The following OASL variants were observed in gnomAD, a reference collection of about 807,000 sequenced individuals.
The protein encoded by OASL is 2'-5'-oligoadenylate synthase-like protein.
A neutral mutation model predicts 35.3 loss-of-function variants in OASL; 28 were observed. The ratio of observed to expected loss-of-function variants is 0.79; its 90% confidence interval spans 0.59 to 1.09. The LOEUF is 1.09. OASL is among the 50% of genes least tolerant of loss of function. The pLI is 0.00. For missense variants in OASL, 620 were observed against 635.2 expected (o/e 0.98, Z 0.26); for synonymous variants, 252 against 254.6 (o/e 0.99, Z 0.10).
At chr12:121,024,010 T>G in exon 5 of OASL, 2 of 1,614,146 alleles carry the variant, frequency 1.2e-6, no homozygotes, top group South Asian at 2.2e-5. Flanking sequence ...CAGCTGGAGA[T>G]GGGGTTCTCC....
intron 3 of OASL, among the ~76,000 whole-genome samples, chr12:121,028,590 C>T (rs1869587999): frequency 6.6e-6 from 1 of 152,206 alleles, no homozygotes; most frequent in African/African-American, 2.4e-5. Context: ...GAAACAGAGC[C>T]AGTGCCCTCA....
chr12:121,020,499 G>T, exon 6 of OASL: 2 of 1,497,856 alleles, frequency 1.3e-6, no homozygotes, highest in South Asian at 1.3e-5. Context: ...GGGACAGAGT[G>T]ATTGACAGGA....
intron 5 of OASL, among the ~76,000 whole-genome samples, chr12:121,023,249 T>C (rs1869318672): frequency 1.3e-5 from 2 of 151,668 alleles, no homozygotes; most frequent in African/African-American, 4.8e-5. Context: ...CAACATAGGG[T>C]GAGTTCTCTG....
intron 5 of OASL, among the ~76,000 whole-genome samples, chr12:121,022,084 T>C (rs12828362): frequency 8.2e-6 from 1 of 122,192 alleles, no homozygotes; most frequent in Non-Finnish European, 1.7e-5. Context: ...TAAGTTTTGT[T>C]CTTTTTTTTT....
chr12:121,022,085 C>CTTTT (rs66924657), intron 5 of OASL, among the ~76,000 whole-genome samples: 5 of 108,062 alleles, frequency 4.6e-5, no homozygotes, highest in Non-Finnish European at 7.2e-5. Flanking sequence ...AAGTTTTGTT[C>CTTTT]TTTTTTTTTT....
chr12:121,020,856 C>T (rs748455918), exon 6 of OASL: 1 of 1,614,116 alleles, frequency 6.2e-7, no homozygotes, highest in Non-Finnish European at 8.5e-7. Flanking sequence ...GGAGAAGATC[C>T]CATATTTGGC....
At chr12:121,021,150 A>G in intron 5 of OASL, 92 bp from the exon 6 acceptor site, 2 of 1,329,048 alleles carry the variant, frequency 1.5e-6, no homozygotes, top group Non-Finnish European at 2.0e-6. Context: ...TCTTTACAAT[A>G]GTAGCAGCAG....
chr12:121,032,947 A>T (rs904867168), intron 2 of OASL, among the ~76,000 whole-genome samples: 1 of 151,654 alleles, frequency 6.6e-6, no homozygotes, highest in African/African-American at 2.4e-5. Context: ...TTTTTTTGAG[A>T]CGGAGTCTTG....
intron 3 of OASL, among the ~76,000 whole-genome samples, chr12:121,028,924 G>A (rs1249231822): frequency 2.0e-5 from 3 of 151,922 alleles, no homozygotes; most frequent in Non-Finnish European, 4.4e-5. Flanking sequence ...AATTAGCCAG[G>A]TGTGGTGGCA....
chr12:121,038,664 C>T, intron 1 of OASL, 110 bp downstream of exon 1: 1 of 1,012,904 alleles, frequency 9.9e-7, no homozygotes, highest in Admixed American at 1.9e-5. Flanking sequence ...TCTGAGATGT[C>T]ATCAGCATGG....
chr12:121,034,209 T>TA (rs1869864332), intron 1 of OASL, among the ~76,000 whole-genome samples: 2 of 151,446 alleles, frequency 1.3e-5, no homozygotes, highest in Admixed American at 6.6e-5. Flanking sequence ...TTTTTTTTTT[T>TA]ACACAGGGTT....
At chr12:121,020,654 C>G in exon 6 of OASL, 1 of 1,614,210 alleles carries the variant, frequency 6.2e-7, no homozygotes, top group Non-Finnish European at 8.5e-7. Flanking sequence ...CCAACCAGTC[C>G]TGCAGGACTT....
intron 4 of OASL, among the ~76,000 whole-genome samples, chr12:121,026,805 T>C (rs559823389): frequency 1.1e-4 from 17 of 151,498 alleles, no homozygotes; most frequent in African/African-American, 3.9e-4. Context: ...TGAGTGGAGA[T>C]TGCGCCACTG....
At chr12:121,033,405 G>A in intron 2 of OASL, 56 bp downstream of exon 2, 1 of 1,561,138 alleles carries the variant, frequency 6.4e-7, no homozygotes, top group Non-Finnish European at 8.8e-7. Context: ...TGAGACACTG[G>A]GAAGTCTCCT....
chr12:121,022,511 C>T (rs1235594116), intron 5 of OASL, among the ~76,000 whole-genome samples: 1 of 152,216 alleles, frequency 6.6e-6, no homozygotes, highest in Non-Finnish European at 1.5e-5. Context: ...TGCGCCACTG[C>T]CCCCAGCCTA....
intron 5 of OASL, among the ~76,000 whole-genome samples, chr12:121,022,167 A>G (rs547378583): frequency 2.9e-4 from 42 of 147,124 alleles, no homozygotes; most frequent in African/African-American, 1.0e-3. Flanking sequence ...GCTCACTGCA[A>G]CCTCCGCCTC....
At chr12:121,028,282 T>G (rs1228821798) in intron 3 of OASL, among the ~76,000 whole-genome samples, 2 of 152,114 alleles carry the variant, frequency 1.3e-5, no homozygotes, top group Non-Finnish European at 2.9e-5. Flanking sequence ...ATAGTAGCCA[T>G]GATGTTTGGA....
intron 3 of OASL, among the ~76,000 whole-genome samples, chr12:121,030,433 T>C (rs1869680010): frequency 6.6e-6 from 1 of 152,086 alleles, no homozygotes; most frequent in Non-Finnish European, 1.5e-5. Context: ...CTCGATCTCC[T>C]GATCTCATGA....
At chr12:121,038,953 G>A (rs35632880) in exon 1 of OASL, 15 of 1,613,998 alleles carry the variant, frequency 9.3e-6, no homozygotes, top group Admixed American at 1.7e-5. Context: ...GTGCTATACA[G>A]TTCCTGCATC....
Sources: allele counts gnomAD v4.1 joint callset (sites outside exome capture counted in the v4.1 genomes callset), GRCh38; gene constraint gnomAD v4.1.1; transcripts MANE v1.5; gene names NCBI Gene and HGNC (gene_info 2026-07-23, HGNC 2026-07-21).